LINGO2: variants seen among roughly 807,000 people sequenced by gnomAD.
LINGO2 encodes leucine rich repeat and Ig domain containing 2, also known as leucine-rich repeat and immunoglobulin-like domain-containing nogo receptor-interacting protein 2.
LINGO2 carries 14 observed loss-of-function variants against 30.6 expected under a neutral mutation model. That is an observed-to-expected ratio of 0.46 (90% CI 0.30 to 0.72). LINGO2 has a LOEUF of 0.72. Among genes scored for constraint, LINGO2 ranks in the 30% least tolerant of loss-of-function variants. The probability of loss-of-function intolerance (pLI) is 0.07; values close to 1 mark genes in which losing one functional copy is unlikely to be tolerated. For missense variants in LINGO2, 729 were observed against 751.7 expected (o/e 0.97, Z 0.35); for synonymous variants, 317 against 288.5 (o/e 1.10, Z -1.00).
intron 4 of LINGO2, among the ~76,000 whole-genome samples, chr9:28,249,748 T>C (rs907994681): frequency 6.6e-5 from 10 of 152,146 alleles, no homozygotes; most frequent in South Asian, 2.1e-4. Flanking sequence ...AAGGAAACAA[T>C]GAGTTATCAT....
the LINGO2 span, among the ~76,000 whole-genome samples, chr9:29,074,886 C>A: frequency 6.6e-6 from 1 of 151,692 alleles, no homozygotes; most frequent in Non-Finnish European, 1.5e-5. Context: ...CTGTGTTAGC[C>A]AGGATGGTCT....
chr9:28,282,369 A>G (rs1823358067), intron 4 of LINGO2, among the ~76,000 whole-genome samples: 1 of 151,960 alleles, frequency 6.6e-6, no homozygotes, highest in Non-Finnish European at 1.5e-5. Context: ...AGAATTTAGG[A>G]CAAATGAGAT....
the LINGO2 span, among the ~76,000 whole-genome samples, chr9:28,987,971 GT>G: frequency 2.0e-5 from 3 of 152,136 alleles, no homozygotes; most frequent in African/African-American, 7.2e-5. Flanking sequence ...CTTGGGGAAG[GT>G]TTTAGGTTTG....
the LINGO2 span, among the ~76,000 whole-genome samples, chr9:29,187,027 C>CT: frequency 2.0e-5 from 3 of 152,142 alleles, no homozygotes; most frequent in African/African-American, 7.2e-5. Flanking sequence ...TCATTGTTGT[C>CT]TCCCCAGAGT....
chr9:29,164,798 A>C, the LINGO2 span, among the ~76,000 whole-genome samples: 1 of 152,128 alleles, frequency 6.6e-6, no homozygotes, highest in Non-Finnish European at 1.5e-5. Context: ...TAAGAATTGA[A>C]TGAAATAAGA....
the LINGO2 span, among the ~76,000 whole-genome samples, chr9:28,951,568 G>A: frequency 6.6e-6 from 1 of 152,024 alleles, no homozygotes; most frequent in African/African-American, 2.4e-5. Context: ...CCACCCCCAG[G>A]TGGCTCGTAT....
intron 1 of LINGO2, among the ~76,000 whole-genome samples, chr9:28,520,741 T>G (rs1820798036): frequency 6.6e-6 from 1 of 152,228 alleles, no homozygotes; most frequent in Admixed American, 6.5e-5. Flanking sequence ...ACTAATCAGC[T>G]AACACAGCTA....
intron 1 of LINGO2, among the ~76,000 whole-genome samples, chr9:28,521,730 T>A (rs1172828554): frequency 6.6e-6 from 1 of 152,204 alleles, no homozygotes; most frequent in East Asian, 1.9e-4. Flanking sequence ...TGACCTTATT[T>A]GAACATAGCT....
At chr9:28,867,628 G>A in the LINGO2 span, among the ~76,000 whole-genome samples, 1 of 152,136 alleles carries the variant, frequency 6.6e-6, no homozygotes, top group Admixed American at 6.6e-5. Flanking sequence ...CATAAAGCAT[G>A]TGTATTACTT....
At chr9:29,139,880 C>T in the LINGO2 span, among the ~76,000 whole-genome samples, 1 of 151,528 alleles carries the variant, frequency 6.6e-6, no homozygotes, top group Non-Finnish European at 1.5e-5. Flanking sequence ...CCACTGAGAA[C>T]AAAAAAGCTG....
chr9:29,137,908 A>T, the LINGO2 span, among the ~76,000 whole-genome samples: 6 of 152,136 alleles, frequency 3.9e-5, no homozygotes, highest in Non-Finnish European at 8.8e-5. Flanking sequence ...ATAATAATAT[A>T]GGACTAATAG....
chr9:28,383,018 A>C (rs1428575366), intron 2 of LINGO2, among the ~76,000 whole-genome samples: 3 of 152,074 alleles, frequency 2.0e-5, no homozygotes, highest in Non-Finnish European at 2.9e-5. Context: ...CTATAGTAAA[A>C]GGTGGTAAGT....
upstream of LINGO2, among the ~76,000 whole-genome samples, chr9:28,672,810 G>T (rs1829072796): frequency 6.6e-6 from 1 of 152,082 alleles, no homozygotes; most frequent in Non-Finnish European, 1.5e-5. Context: ...TCAGATACAT[G>T]ATATCTTTGA....
At chr9:29,039,519 ATCTACTTCTTGAGAAGCC>A in the LINGO2 span, among the ~76,000 whole-genome samples, 1 of 152,160 alleles carries the variant, frequency 6.6e-6, no homozygotes, top group Admixed American at 6.6e-5. Flanking sequence ...ACACAGCACC[ATCTACTTCTTGAGAAGCC>A]TCTTCTCGCC....
intron 4 of LINGO2, among the ~76,000 whole-genome samples, chr9:28,019,384 T>C (rs1823002718): frequency 6.6e-6 from 1 of 151,184 alleles, no homozygotes; most frequent in African/African-American, 2.4e-5. Context: ...CCACAACTAG[T>C]GAGTGCTGGG....
chr9:28,028,638 A>C (rs917174440), intron 4 of LINGO2, among the ~76,000 whole-genome samples: 2 of 152,222 alleles, frequency 1.3e-5, no homozygotes, highest in Non-Finnish European at 2.9e-5. Context: ...AAAATGGCAT[A>C]GTATTTGCAT....
chr9:29,137,001 ATC>A, the LINGO2 span, among the ~76,000 whole-genome samples: 1 of 152,136 alleles, frequency 6.6e-6, no homozygotes, highest in African/African-American at 2.4e-5. Context: ...CACTAAAATC[ATC>A]TCTCATTGTC....
intron 1 of LINGO2, among the ~76,000 whole-genome samples, chr9:28,535,058 C>T (rs549262493): frequency 2.6e-5 from 4 of 152,098 alleles, no homozygotes; most frequent in Admixed American, 6.5e-5. Flanking sequence ...AATTCTTCTC[C>T]GAGGAAATTA....
At chr9:28,056,241 A>G (rs138916826) in intron 4 of LINGO2, among the ~76,000 whole-genome samples, 213 of 152,202 alleles carry the variant, frequency 1.4e-3, no homozygotes, top group African/African-American at 4.6e-3. Flanking sequence ...TAATGGCAAG[A>G]AACACTGCAC....
Sources: gnomAD v4.1 joint callset for allele counts (sites outside exome capture counted in the v4.1 genomes callset) on GRCh38, gnomAD v4.1.1 for gene constraint, MANE v1.5 for transcripts, NCBI Gene and HGNC (gene_info 2026-07-23, HGNC 2026-07-21) for gene names.